Variants in APPL2 observed in about 807,000 individuals in gnomAD.
APPL2 encodes DCC-interacting protein 13-beta.
APPL2 carries 84 observed loss-of-function variants against 92.7 expected under a neutral mutation model. The observed-to-expected ratio is 0.91, with a 90% CI of 0.76 to 1.09. The LOEUF (loss-of-function observed/expected upper bound fraction) is 1.09, where lower values mean the gene tolerates loss of function less well. Among genes scored for constraint, APPL2 ranks in the 50% least tolerant of loss-of-function variants. The pLI is 0.00. For missense variants in APPL2, 736 were observed against 824.5 expected, an observed-to-expected ratio of 0.89 and a Z score of 1.31; for synonymous variants, 291 against 291.0, an observed-to-expected ratio of 1.00 and a Z score of 0.00.
chr12:105,227,133 A>G (rs1045456831), intron 2 of APPL2, among the ~76,000 whole-genome samples: 5 of 78,402 alleles, frequency 6.4e-5, no homozygotes, highest in Admixed American at 6.3e-4. Context: ...AAAATTAAAA[A>G]TAAAAAAAAA....
chr12:105,176,028 A>ATCTT lies in APPL2; in HGVS notation c.1860+3_1860+6dup. On this transcript the variant is annotated splice_region_variant and intron_variant, in intron 20 of 20. Coordinates refer to ENST00000258530, the MANE Select transcript of APPL2 (RefSeq NM_018171.5). ...AGCTACTAAACCAGCGCTAGAATGCATCTTACCTTCTGAACCTCAATAATT... is the reference window on the plus strand; with the variant it reads ...AGCTACTAAACCAGCGCTAGAATGCATCTTTCTTACCTTCTGAACCTCAATAATT... 1 of 1,584,022 alleles carries ATCTT rather than the reference A, an allele frequency of 6.3e-7. No individual in the cohort carries two copies. Among genetic ancestry groups the ATCTT allele is most frequent in the Non-Finnish European group, 8.6e-7 (1 of 1,168,144 alleles).
chr12:105,200,568 G>A (rs966856868), intron 9 of APPL2, among the ~76,000 whole-genome samples: 7 of 152,122 alleles, frequency 4.6e-5, no homozygotes, highest in Admixed American at 2.6e-4. Context: ...GAGCTAGACC[G>A]CACCAGGCCA....
At chr12:105,222,368 C>G (rs763681996) in intron 2 of APPL2, among the ~76,000 whole-genome samples, 6 of 152,052 alleles carry the variant, frequency 3.9e-5, no homozygotes, top group Non-Finnish European at 7.4e-5. Context: ...CTTGGAGAAG[C>G]TGAGATAAAC....
At chr12:105,230,834 T>C (rs1019513642) in intron 1 of APPL2, among the ~76,000 whole-genome samples, 16 of 152,164 alleles carry the variant, frequency 1.1e-4, no homozygotes, top group African/African-American at 3.6e-4. Context: ...TGCTTATCCA[T>C]AGAAGAGCCA....
intron 2 of APPL2, among the ~76,000 whole-genome samples, chr12:105,218,166 AAAG>A (rs747472215): frequency 5.9e-5 from 9 of 152,214 alleles, no homozygotes; most frequent in Non-Finnish European, 1.2e-4. Context: ...CTAAAAGAAA[AAAG>A]AAGAAGAAAG....
In APPL2 at chr12:105,177,247, C is replaced by G; in HGVS notation, c.1650G>C (p.Gln550His). 6.2e-6 allele frequency: 10 copies of G among 1,613,886 alleles called. No individual in the cohort carries two copies. Among genetic ancestry groups the G allele is most frequent in the Non-Finnish European group, 7.6e-6 (9 of 1,179,798 alleles). ...TSQSLRLIDP[Q>H]TQVSRANFEL... is the part of the protein sequence containing the mutation. ...TTACATTGGCCCTTGATACTTGAGT[C>G]TGTGGATCTATCAACCTGAAATTTT... Residue 550 changes from glutamine (Q) to histidine (H), a missense_variant, in exon 18 of 21, where the codon CAG (glutamine) becomes CAC (histidine). Transcript: ENST00000258530.
intron 4 of APPL2, among the ~76,000 whole-genome samples, chr12:105,212,990 C>T (rs375287431): frequency 1.3e-5 from 2 of 152,240 alleles, no homozygotes; most frequent in African/African-American, 2.4e-5. Flanking sequence ...GCCTTCAGAA[C>T]AGAATGTGAT....
At chr12:105,196,879 C>G (rs1484263034) in intron 11 of APPL2, among the ~76,000 whole-genome samples, 1 of 152,164 alleles carries the variant, frequency 6.6e-6, no homozygotes, top group African/African-American at 2.4e-5. Flanking sequence ...CTGCAAAGGA[C>G]CATGATGAGC....
chr12:105,207,932 T>C (rs768996354), intron 7 of APPL2, 39 bp downstream of exon 7: 3 of 1,578,134 alleles, frequency 1.9e-6, no homozygotes, highest in East Asian at 2.2e-5. Context: ...AAGGCCTTTA[T>C]GTAAATGAAG....
rs531260945 is a variant in APPL2 at position 105,192,087 on chromosome 12, A to G, written c.1242-1932T>C. Among the ~76,000 whole-genome samples the G allele has an allele frequency of 3.3e-5, 5 of 152,084 alleles. No individual in the cohort carries two copies. The South Asian group carries it at 1.0e-3, about 32-fold the overall frequency. ...TCATGCTTAACATGTCCAAAACATGAACTCTTCTTTTTTTTAAAAAACACC... is the reference window on the plus strand; with the variant it reads ...TCATGCTTAACATGTCCAAAACATGGACTCTTCTTTTTTTTAAAAAACACC... On this transcript the variant is annotated intron_variant, in intron 14 of 20. Coordinates refer to ENST00000258530, the MANE Select transcript of APPL2 (RefSeq NM_018171.5).
rs749776476 is a variant in APPL2 at position 105,195,480 on chromosome 12, T to C, written c.1117A>G (p.Ile373Val). ...NEEWICAINN[I>V]SRQIYLTDNP... is the part of the protein sequence containing the mutation. ...TCGGTCAGGTAGATCTGTCTGGAGA[T>C]GTTGTTTATTGCACATATCCACTGT... Residue 373 changes from isoleucine to valine, a missense_variant, in exon 13 of 21, where the codon ATC becomes GTC. Ile to Val is a conservative substitution (Grantham distance 29). Transcript: ENST00000258530. 6.2e-6 allele frequency: 10 copies of C among 1,614,168 alleles called. No homozygotes were observed. The highest frequency in any genetic ancestry group is 8.5e-6 in the Non-Finnish European group (10 of 1,180,038).
chr12:105,191,636 T>C (rs889543207), intron 14 of APPL2, among the ~76,000 whole-genome samples: 3 of 152,178 alleles, frequency 2.0e-5, no homozygotes, highest in Non-Finnish European at 4.4e-5. Context: ...CCAAAGACTC[T>C]GAACATAGGA....
At chr12:105,206,802 A>C (rs534653151) in intron 8 of APPL2, 2 of 358,042 alleles carry the variant, frequency 5.6e-6, no homozygotes, top group Non-Finnish European at 1.0e-5. Context: ...AAAGGGCCAC[A>C]CAGGCTCTTC....
At chr12:105,232,854 A>C (rs1891022785) in intron 1 of APPL2, among the ~76,000 whole-genome samples, 1 of 152,092 alleles carries the variant, frequency 6.6e-6, no homozygotes, top group Non-Finnish European at 1.5e-5. Flanking sequence ...ACATCTCCAC[A>C]GTGAAGACAT....
chr12:105,198,073 G>T, intron 10 of APPL2, 120 bp from the exon 11 acceptor site: 2 of 997,650 alleles, frequency 2.0e-6, no homozygotes, highest in Non-Finnish European at 2.9e-6. Flanking sequence ...TCTTTATATC[G>T]TTAAAGCAAA....
At chr12:105,208,284 G>C in intron 5 of APPL2, 85 bp from the exon 6 acceptor site, 2 of 1,519,034 alleles carry the variant, frequency 1.3e-6, no homozygotes, top group South Asian at 2.3e-5. Context: ...CTGAAAATAA[G>C]AGAATATGCG....
chr12:105,217,731 G>T lies in APPL2; in HGVS notation c.154-6C>A, dbSNP rs1889804321. ...GTGGCCAGGCACATCTCATTCTGTG[G>T]AGAGAAGAGAAAAAGCAAGTAAGAT... is the stretch of plus-strand genomic sequence containing the variant. On this transcript the variant is annotated splice_polypyrimidine_tract_variant and splice_region_variant and intron_variant, in intron 2 of 20. Transcript: ENST00000258530. 6.2e-7 allele frequency: 1 copy of T among 1,613,342 alleles called. No homozygotes were observed. The highest frequency in any genetic ancestry group is 8.5e-7 in the Non-Finnish European group (1 of 1,179,882).
chr12:105,203,692 T>A lies in APPL2; in HGVS notation c.704+11A>T. On this transcript the variant is annotated intron_variant, in intron 9 of 20. Transcript: ENST00000258530. ...AGGGGCACACAAGACCCGGCCGGAG[T>A]GCAGCATTACCTTTGAACCATGTCT... The A allele has an allele frequency of 3.1e-6, 5 of 1,613,816 alleles. No homozygotes were observed. The highest frequency in any genetic ancestry group is 3.4e-6 in the Non-Finnish European group (4 of 1,179,732).
chr12:105,184,954 C>A (rs1886460953), intron 17 of APPL2, among the ~76,000 whole-genome samples: 2 of 152,268 alleles, frequency 1.3e-5, no homozygotes, highest in East Asian at 3.9e-4. Flanking sequence ...GATGCCCTGC[C>A]CAGAGAGGAG....
Sources: allele counts gnomAD v4.1 joint callset (sites outside exome capture counted in the v4.1 genomes callset), GRCh38; gene constraint gnomAD v4.1.1; transcripts MANE v1.5; gene names NCBI Gene and HGNC (gene_info 2026-07-23, HGNC 2026-07-21).